Variants in LRRFIP2 observed in about 807,000 individuals in gnomAD.
LRRFIP2 encodes the protein leucine-rich repeat flightless-interacting protein 2.
LRRFIP2 carries 109 observed loss-of-function variants against 125.9 expected under a neutral mutation model. That is an observed-to-expected ratio of 0.87 (90% CI 0.74 to 1.01). The LOEUF (loss-of-function observed/expected upper bound fraction) is 1.01. Ranked by LOEUF, LRRFIP2 falls within the 50% of genes least tolerant of loss-of-function variation. The pLI is 0.00. For synonymous variants in LRRFIP2, 291 were observed against 293.1 expected (o/e 0.99, Z 0.07); for missense variants, 850 against 862.3 (o/e 0.99, Z 0.18).
chr3:37,086,140 AG>A (rs1455526574), intron 18 of LRRFIP2, among the ~76,000 whole-genome samples: 2 of 152,234 alleles, frequency 1.3e-5, no homozygotes, highest in African/African-American at 2.4e-5. Flanking sequence ...ATTAGTCATT[AG>A]GAAAATGCAC....
chr3:37,100,052 T>C (rs1260070089), intron 15 of LRRFIP2, among the ~76,000 whole-genome samples: 5 of 152,112 alleles, frequency 3.3e-5, no homozygotes, highest in African/African-American at 9.7e-5. Context: ...ACAAGATGAG[T>C]TGGACTACAG....
At chr3:37,126,185 G>A (rs957429796) in intron 4 of LRRFIP2, among the ~76,000 whole-genome samples, 9 of 151,260 alleles carry the variant, frequency 6.0e-5, no homozygotes, top group South Asian at 2.1e-4. Flanking sequence ...GCCCGCCAGC[G>A]TGCCTGGCTA....
In LRRFIP2 at chr3:37,060,486, G is replaced by T. The variant is rs747396347; in HGVS notation, c.1750-1576C>A. The stretch of plus-strand genomic sequence containing the variant: ...ACCACGTCCAATTTTTGTATTTTTA[G>T]TAGATGGGGTTTCGTCATGTTGGCC... On this transcript the variant is annotated intron_variant, in intron 24 of 27. Transcript: ENST00000336686. The surrounding 1 kb of genome is among the most constrained non-coding windows in gnomAD (Gnocchi z 4.1). 1.3e-5 allele frequency among the ~76,000 whole-genome samples: 2 copies of T among 151,956 alleles called. No homozygotes were observed. The highest frequency in any genetic ancestry group is 2.9e-5 in the Non-Finnish European group (2 of 67,986).
At chr3:37,072,913 A>C (rs775287611) in intron 20 of LRRFIP2, 31 bp from the exon 21 acceptor site, 2 of 1,408,806 alleles carry the variant, frequency 1.4e-6, no homozygotes, top group South Asian at 2.4e-5. Flanking sequence ...AGAAGTAATA[A>C]AAGAGCAGAA....
intron 25 of LRRFIP2, among the ~76,000 whole-genome samples, chr3:37,056,687 T>C (rs1157725206): frequency 6.7e-6 from 1 of 149,760 alleles, no homozygotes; most frequent in East Asian, 2.0e-4. Flanking sequence ...TCTCCTGACC[T>C]CGTGATCCAC....
intron 21 of LRRFIP2, among the ~76,000 whole-genome samples, chr3:37,070,392 G>T (rs986820243): frequency 6.6e-6 from 1 of 151,968 alleles, no homozygotes; most frequent in Non-Finnish European, 1.5e-5. Context: ...GGGATTAAAG[G>T]CATAAGCCAC....
At chr3:37,132,169 T>G (rs943638525) in intron 2 of LRRFIP2, among the ~76,000 whole-genome samples, 1 of 152,152 alleles carries the variant, frequency 6.6e-6, no homozygotes, top group Non-Finnish European at 1.5e-5. Context: ...ACTTCAAGGC[T>G]TTTAAGCTTA....
chr3:37,105,243 G>A (rs1302681548), intron 14 of LRRFIP2, among the ~76,000 whole-genome samples: 2 of 152,186 alleles, frequency 1.3e-5, no homozygotes, highest in Non-Finnish European at 2.9e-5. Flanking sequence ...CCTAAGAGAT[G>A]TAAAAAGGCA....
At chr3:37,094,193 G>A (rs1455860553) in intron 17 of LRRFIP2, among the ~76,000 whole-genome samples, 3 of 152,150 alleles carry the variant, frequency 2.0e-5, no homozygotes, top group Non-Finnish European at 4.4e-5. Context: ...ACAAATGTAT[G>A]CAATTTCTCT....
At chr3:37,071,908 G>T (rs2148875293) in intron 21 of LRRFIP2, among the ~76,000 whole-genome samples, 2 of 152,180 alleles carry the variant, frequency 1.3e-5, no homozygotes, top group Middle Eastern at 3.4e-3. Context: ...TGGTGTACAT[G>T]GAATCTACCT....
intron 2 of LRRFIP2, among the ~76,000 whole-genome samples, chr3:37,139,348 G>A (rs900271682): frequency 1.3e-5 from 2 of 152,076 alleles, no homozygotes. Flanking sequence ...AAACAGGAAG[G>A]TATTTCCAAG....
rs896814054 is a variant in LRRFIP2 at position 37,103,295 on chromosome 3, C to A, written c.784-282G>T. ...ACTTCCTGAGGACCAGCAAATCTCT[C>A]ATGTTTAAGATATTTATCACCCTGA... On this transcript the variant is annotated intron_variant, in intron 14 of 27. Coordinates refer to ENST00000336686, the MANE Select transcript of LRRFIP2 (RefSeq NM_006309.4). Among the ~76,000 whole-genome samples, 26 of 152,282 alleles carry A rather than the reference C, an allele frequency of 1.7e-4. No homozygotes were observed. In the South Asian group the frequency reaches 5.2e-3, roughly 30 times the overall value.
intron 2 of LRRFIP2, among the ~76,000 whole-genome samples, chr3:37,139,697 G>A (rs1250664181): frequency 1.3e-5 from 2 of 151,990 alleles, no homozygotes; most frequent in Non-Finnish European, 2.9e-5. Flanking sequence ...TCCTCCCCAG[G>A]ACTTTGTCCC....
At chr3:37,088,441 C>G (rs1340669335) in intron 18 of LRRFIP2, among the ~76,000 whole-genome samples, 5 of 150,978 alleles carry the variant, frequency 3.3e-5, no homozygotes, top group Non-Finnish European at 1.5e-5. Context: ...CTTTGGGAGG[C>G]AGAGGTGGGA....
chr3:37,103,116 G>T, intron 14 of LRRFIP2, 103 bp from the exon 15 acceptor site: 1 of 726,602 alleles, frequency 1.4e-6, no homozygotes, highest in Admixed American at 3.1e-5. Flanking sequence ...AAATTTTGAT[G>T]GGTGATAAAG....
intron 24 of LRRFIP2, 76 bp from the exon 25 acceptor site, chr3:37,058,986 A>G (rs554553185): frequency 2.8e-5 from 45 of 1,584,064 alleles, no homozygotes; most frequent in Non-Finnish European, 3.8e-5. Flanking sequence ...TGGTCACATC[A>G]TAGAACAAAG....
chr3:37,087,811 CCTCCT>C (rs1309762285), intron 18 of LRRFIP2, among the ~76,000 whole-genome samples: 1 of 151,694 alleles, frequency 6.6e-6, no homozygotes, highest in African/African-American at 2.4e-5. Context: ...CTGGTCTTGA[CCTCCT>C]GACCTCAGGT....
At chr3:37,130,367 T>C (rs2095396515) in intron 2 of LRRFIP2, among the ~76,000 whole-genome samples, 1 of 152,204 alleles carries the variant, frequency 6.6e-6, no homozygotes, top group Non-Finnish European at 1.5e-5. Context: ...ATCATTCCAC[T>C]GCATAAAATC....
intron 6 of LRRFIP2, among the ~76,000 whole-genome samples, chr3:37,115,408 C>A (rs2094735068): frequency 6.6e-6 from 1 of 152,094 alleles, no homozygotes; most frequent in Non-Finnish European, 1.5e-5. Context: ...CTAAGGGAGC[C>A]TTTAAATACA....
Sources: gnomAD v4.1 joint callset for allele counts (sites outside exome capture counted in the v4.1 genomes callset) on GRCh38, gnomAD v4.1.1 for gene constraint, Gnocchi (gnomAD v3.1) non-coding constraint, MANE v1.5 for transcripts, NCBI Gene and HGNC (gene_info 2026-07-23, HGNC 2026-07-21) for gene names.